KLHDC2: variants seen among roughly 807,000 people sequenced by gnomAD.
KLHDC2 encodes kelch domain containing 2.
Under a neutral mutation model 62.3 loss-of-function variants are expected in KLHDC2, and 38 were observed. That is an observed-to-expected ratio of 0.61 (90% confidence interval 0.47 to 0.80). The LOEUF is 0.80. Among genes scored for constraint, KLHDC2 ranks in the 30% least tolerant of loss-of-function variants. The probability of loss-of-function intolerance (pLI) is 0.00; values close to 1 mark genes in which losing one functional copy is unlikely to be tolerated. For missense variants in KLHDC2, 430 were observed against 495.3 expected, an observed-to-expected ratio of 0.87 and a Z score of 1.25; for synonymous variants, 159 against 161.0, an observed-to-expected ratio of 0.99 and a Z score of 0.09.
At chr14:49,776,745 C>G (rs1231739542) in intron 3 of KLHDC2, among the ~76,000 whole-genome samples, 1 of 151,972 alleles carries the variant, frequency 6.6e-6, no homozygotes, top group Non-Finnish European at 1.5e-5. Flanking sequence ...ATGACAAAAA[C>G]TCGTCTCTAC....
At chr14:49,777,472 G>A (rs1425270667) in intron 3 of KLHDC2, among the ~76,000 whole-genome samples, 4 of 152,108 alleles carry the variant, frequency 2.6e-5, no homozygotes, top group South Asian at 4.1e-4. Context: ...GTACATGGCT[G>A]TAGTCCATCT....
chr14:49,780,072 A>G, intron 8 of KLHDC2, 141 bp from the exon 9 acceptor site: 1 of 641,564 alleles, frequency 1.6e-6, no homozygotes, highest in South Asian at 2.0e-5. Flanking sequence ...TTCAGTATAA[A>G]GCATGTAGTT....
At chr14:49,775,736 C>T (rs906427138) in intron 3 of KLHDC2, among the ~76,000 whole-genome samples, 8 of 147,538 alleles carry the variant, frequency 5.4e-5, no homozygotes, top group African/African-American at 2.5e-5. Context: ...AAGTGATTCT[C>T]GTACCTCAGC....
chr14:49,768,691 G>A (rs1889596233), intron 1 of KLHDC2, 70 bp downstream of exon 1: 4 of 1,428,510 alleles, frequency 2.8e-6, no homozygotes, highest in Non-Finnish European at 9.2e-7. Context: ...CGGCCAGGCG[G>A]GGAGGCCAGA....
intron 10 of KLHDC2, 41 bp downstream of exon 10, chr14:49,780,816 T>A: frequency 9.2e-7 from 1 of 1,082,910 alleles, no homozygotes; most frequent in Non-Finnish European, 1.4e-6. Context: ...GCATAAGACA[T>A]AAGAATTGAG....
At position 49,785,153 on chromosome 14, in the gene KLHDC2, A is replaced by G; in HGVS notation, c.*2200A>G. The G allele has an allele frequency of 2.5e-6, 4 of 1,600,956 alleles. No individual in the cohort carries two copies. The highest frequency in any genetic ancestry group is 2.6e-6 in the Non-Finnish European group (3 of 1,168,134). On this transcript the variant is annotated 3_prime_UTR_variant, in exon 13 of 13. Transcript: ENST00000298307. ...CTTTATATCTTTAAAAAGGAATTAC[A>G]TGTGTTACTAAATAGACGTTACAAA...
rs1890041730 is a variant in KLHDC2 at position 49,784,028 on chromosome 14, C to CTGT, written c.*1077_*1079dup. On this transcript the variant is annotated 3_prime_UTR_variant, in exon 13 of 13. Coordinates refer to ENST00000298307, the MANE Select transcript of KLHDC2 (RefSeq NM_014315.3). Reference sequence around the variant, plus strand: ...TAGTTTAAGCAATCAAGCCACTTCACTGTTCAGTTTCTTTACATCATGAAA... The same window carrying CTGT: ...TAGTTTAAGCAATCAAGCCACTTCACTGTTGTTCAGTTTCTTTACATCATGAAA... The CTGT allele has an allele frequency of 6.6e-6, 1 of 151,926 alleles. No homozygotes were observed. The highest frequency in any genetic ancestry group is 1.5e-5 in the Non-Finnish European group (1 of 67,946). The allele number at this position is 151,926 out of a possible 1,614,324, so 9.4% of individuals were successfully genotyped here. A position where few individuals can be genotyped will look rare whatever the true frequency, so the allele number is the denominator to read the frequency against.
At position 49,779,633 on chromosome 14, in the gene KLHDC2, A is replaced by G; in HGVS notation, c.672A>G (p.Ala224=). 1 of 1,614,212 alleles carries G rather than the reference A, an allele frequency of 6.2e-7. No homozygotes were observed. Among genetic ancestry groups the G allele is most frequent in the Non-Finnish European group, 8.5e-7 (1 of 1,180,030 alleles). ...CACCTCGTGCTGCCCATGCCTGTGC[A>G]ACTGTCGGAAATAGAGGCTTCGTGT... The part of the protein sequence containing the change: ...APSPRAAHAC[A]TVGNRGFVFG... Residue 224 remains alanine, a synonymous_variant, in exon 7 of 13, where the codon GCA becomes GCG. Transcript: ENST00000298307.
Position 49,768,544 on chromosome 14 carries a change from C to T in KLHDC2, c.76C>T (p.Leu26Phe), listed in dbSNP as rs1401042434. The T allele has an allele frequency of 6.2e-7, 1 of 1,609,740 alleles. No homozygotes were observed. Among genetic ancestry groups the T allele is most frequent in the East Asian group, 2.2e-5 (1 of 44,576 alleles). The part of the protein sequence containing the change: ...PAFESYESME[L>F]ACPAERSGHV... Reference sequence around the variant, plus strand: ...CTTCGAGAGCTATGAGTCCATGGAGCTTGCCTGCCCCGCTGAGCGCAGCGG... The same window carrying T: ...CTTCGAGAGCTATGAGTCCATGGAGTTTGCCTGCCCCGCTGAGCGCAGCGG... Residue 26 changes from leucine (L) to phenylalanine (F), a missense_variant, in exon 1 of 13, where the codon CTT becomes TTT. Physicochemically the swap from Leu to Phe is conservative, Grantham distance 22. Transcript: ENST00000298307.
At chr14:49,768,797 T>C (rs1234414207) in intron 1 of KLHDC2, 176 bp downstream of exon 1, 5 of 589,462 alleles carry the variant, frequency 8.5e-6, no homozygotes, top group Non-Finnish European at 1.4e-5. Context: ...ATCTTCCTTC[T>C]CTCGAGTACC....
intron 10 of KLHDC2, 62 bp downstream of exon 10, chr14:49,780,837 C>CATT (rs1451011969): frequency 1.2e-6 from 1 of 868,278 alleles, no homozygotes; most frequent in African/African-American, 1.7e-5. Flanking sequence ...GTTTTGGCTG[C>CATT]ATTATATCCA....
rs753463440 is a variant in KLHDC2, at chr14:49,784,901, T to A, written c.*1948T>A. On this transcript the variant is annotated 3_prime_UTR_variant, in exon 13 of 13. Transcript: ENST00000298307. ...TAAATTGTACTGTCAGTCTCCACAT[T>A]CCTTTTCTGAAGGAGAACTTTACCT... 6.3e-7 allele frequency: 1 copy of A among 1,595,320 alleles called. No individual in the cohort carries two copies. Among genetic ancestry groups the A allele is most frequent in the African/African-American group, 1.3e-5 (1 of 74,418 alleles).
chr14:49,770,587 G>T (rs531539779), intron 1 of KLHDC2, among the ~76,000 whole-genome samples: 74 of 152,346 alleles, frequency 4.9e-4, no homozygotes, highest in African/African-American at 1.8e-3. Context: ...TCAGGCAGTT[G>T]TTAAAGTTCA....
intron 3 of KLHDC2, among the ~76,000 whole-genome samples, chr14:49,775,831 T>G (rs907193073): frequency 3.9e-5 from 6 of 152,138 alleles, no homozygotes; most frequent in Non-Finnish European, 8.8e-5. Context: ...TTCGCCACGT[T>G]GGCCAGGCTG....
chr14:49,774,924 CT>C, intron 3 of KLHDC2: 1 of 439,622 alleles, frequency 2.3e-6, no homozygotes, highest in East Asian at 4.3e-5. Context: ...TTTCTTTGTG[CT>C]TTTTGCAGCT....
At chr14:49,772,722 C>T (rs918764783) in intron 2 of KLHDC2, among the ~76,000 whole-genome samples, 2 of 152,088 alleles carry the variant, frequency 1.3e-5, no homozygotes, top group Non-Finnish European at 2.9e-5. Context: ...TTTGGGAGGC[C>T]GAGGCAGGCA....
At chr14:49,780,183 C>A in intron 8 of KLHDC2, 30 bp from the exon 9 acceptor site, 1 of 1,302,744 alleles carries the variant, frequency 7.7e-7, no homozygotes, top group Non-Finnish European at 1.1e-6. Flanking sequence ...CTTCTAAATG[C>A]AGATATTGTA....
chr14:49,781,763 T>A (rs967017402), intron 10 of KLHDC2, among the ~76,000 whole-genome samples: 59 of 151,626 alleles, frequency 3.9e-4, no homozygotes, highest in Non-Finnish European at 4.4e-4. Context: ...TAGCACTGTA[T>A]AACAAAGATG....
At position 49,782,822 on chromosome 14, in the gene KLHDC2, A is replaced by G. The variant is rs772481551; in HGVS notation, c.1098-8A>G. 6.2e-7 allele frequency: 1 copy of G among 1,609,574 alleles called. No homozygotes were observed. Among genetic ancestry groups the G allele is most frequent in the Non-Finnish European group, 8.5e-7 (1 of 1,178,700 alleles). On this transcript the variant is annotated splice_polypyrimidine_tract_variant and splice_region_variant and intron_variant, in intron 12 of 12. Coordinates refer to ENST00000298307, the MANE Select transcript of KLHDC2 (RefSeq NM_014315.3). Reference sequence around the variant, plus strand: ...AAATTACTTTTCTCTTTCCTTGTCCACTTTCAGGCTAAGCTTAGAAGCAGT... The same window carrying G: ...AAATTACTTTTCTCTTTCCTTGTCCGCTTTCAGGCTAAGCTTAGAAGCAGT...
Sources: gnomAD v4.1 joint callset for allele counts (sites outside exome capture counted in the v4.1 genomes callset) on GRCh38, gnomAD v4.1.1 for gene constraint, MANE v1.5 for transcripts, NCBI Gene and HGNC (gene_info 2026-07-23, HGNC 2026-07-21) for gene names.